SH2D2A: variants seen among roughly 807,000 people sequenced by gnomAD.
The protein encoded by SH2D2A is SH2 domain containing 2A.
A neutral mutation model predicts 43.6 loss-of-function variants in SH2D2A; 33 were observed. The ratio of observed to expected loss-of-function variants is 0.76; its 90% CI spans 0.57 to 1.01. The LOEUF (loss-of-function observed/expected upper bound fraction) is 1.01. Ranked by LOEUF, SH2D2A falls within the 50% of genes least tolerant of loss-of-function variation. The pLI is 0.00. For synonymous variants in SH2D2A, 212 were observed against 206.1 expected, an observed-to-expected ratio of 1.03 and a Z score of -0.25; for missense variants, 491 against 503.1, an observed-to-expected ratio of 0.98 and a Z score of 0.23.
At position 156,814,248 on chromosome 1, in the gene SH2D2A, C is replaced by T; in HGVS notation, c.355G>A (p.Val119Met). 1 of 1,614,028 alleles carries T rather than the reference C, an allele frequency of 6.2e-7. No homozygotes were observed. Among genetic ancestry groups the T allele is most frequent in the African/African-American group, 1.3e-5 (1 of 75,064 alleles). ...GTCACCGCGCTCTCGCTGAACCGCA[C>T]CAAGTAGCACCCCTGAGGCTTGGGC... ...LEPKPQGCYL[V>M]RFSESAVTFV... Residue 119 changes from valine to methionine, a missense_variant, in exon 4 of 9, where the codon GTG becomes ATG. Val to Met is a conservative substitution (Grantham distance 21). Transcript: ENST00000368199.
chr1:156,814,472 AT>A, intron 3 of SH2D2A, 178 bp from the exon 4 acceptor site: 1 of 1,236,530 alleles, frequency 8.1e-7, no homozygotes. Context: ...CGCTGCAGGG[AT>A]TAGGCGTGGA....
In SH2D2A at chr1:156,814,029, G is replaced by A. The variant is rs1247017347; in HGVS notation, c.399-13C>T. 3 of 1,499,526 alleles carry A rather than the reference G, an allele frequency of 2.0e-6. No individual in the cohort carries two copies. Among genetic ancestry groups the A allele is most frequent in the Admixed American group, 2.1e-5 (1 of 48,338 alleles). 92.9% of individuals were successfully genotyped at this position (1,499,526 alleles called of 1,614,324 possible). On this transcript the variant is annotated splice_polypyrimidine_tract_variant and intron_variant, in intron 4 of 8. Transcript: ENST00000368199. ...GCAAGTCCGGCTCCTGGAGGGCGCC[G>A]TTAGGGATCAGACTATCTCCCGCTC...
Position 156,816,028 on chromosome 1 carries a change from C to T in SH2D2A, c.101G>A (p.Cys34Tyr), listed in dbSNP as rs369490353. 1.4e-5 allele frequency: 23 copies of T among 1,613,966 alleles called. 1 individual carries two copies. Among genetic ancestry groups the T allele is most frequent in the Non-Finnish European group, 1.6e-5 (19 of 1,179,928 alleles). The change falls in exon 2 of 9, where the codon TGC becomes TAC. Residue 34 changes from cysteine (C) to tyrosine (Y), a missense_variant. Physicochemically the swap from Cys to Tyr is radical, Grantham distance 194. Transcript: ENST00000368199. ...CACCGCAGTGTAGCCCAGGTTCTGG[C>T]AGCTCCTGCGGGTCATGTCTGTGAT... is the stretch of plus-strand genomic sequence containing the variant. ...FQITDMTRRS[C>Y]QNLGYTAASP...
intron 1 of SH2D2A, 96 bp downstream of exon 1, chr1:156,816,579 T>C (rs958509580): frequency 3.7e-6 from 5 of 1,360,102 alleles, no homozygotes; most frequent in Non-Finnish European, 5.1e-6. Context: ...GTGGGGCCCC[T>C]CATCCCTGAA....
Position 156,816,172 on chromosome 1 carries a change from G to T in SH2D2A, c.35-78C>A, listed in dbSNP as rs572341336. 3.1e-4 allele frequency: 464 copies of T among 1,512,902 alleles called. 1 individual carries two copies. The African/African-American group carries it at 5.6e-3, about 18-fold the overall frequency. 93.7% of individuals were successfully genotyped at this position (1,512,902 alleles called of 1,614,324 possible). The stretch of plus-strand genomic sequence containing the variant: ...CTCTGCCTCCCACCCCTCCTCCCAG[G>T]CTCAGGGGATCTGGAGGGCTGGGAC... On this transcript the variant is annotated intron_variant, in intron 1 of 8. Coordinates refer to ENST00000368199, the MANE Select transcript of SH2D2A (RefSeq NM_003975.4).
chr1:156,814,765 C>G (rs571218122), intron 3 of SH2D2A: 1 of 423,096 alleles, frequency 2.4e-6, no homozygotes, highest in Non-Finnish European at 4.2e-6. Flanking sequence ...TACCAGCATT[C>G]GAGGCCTTAG....
intron 5 of SH2D2A, among the ~76,000 whole-genome samples, chr1:156,810,020 CA>C (rs962015147): frequency 2.6e-5 from 4 of 152,262 alleles, no homozygotes; most frequent in African/African-American, 9.6e-5. Flanking sequence ...GCTCTGGTCA[CA>C]GGCCATATCT....
At chr1:156,814,843 C>A in intron 3 of SH2D2A, 194 bp downstream of exon 3, 1 of 459,942 alleles carries the variant, frequency 2.2e-6, no homozygotes, top group Non-Finnish European at 3.8e-6. Flanking sequence ...TGGAGCCTCT[C>A]CAATGATCTC....
chr1:156,816,038 G>A lies in SH2D2A; in HGVS notation c.91C>T (p.Arg31Cys), dbSNP rs369870153. 47 of 1,613,950 alleles carry A rather than the reference G, an allele frequency of 2.9e-5. No homozygotes were observed. Among genetic ancestry groups the A allele is most frequent in the Non-Finnish European group, 3.1e-5 (36 of 1,179,974 alleles). The change falls in exon 2 of 9, where the codon CGC becomes TGC. Residue 31 changes from arginine (R) to cysteine (C), a missense_variant. Coordinates refer to ENST00000368199, the MANE Select transcript of SH2D2A (RefSeq NM_003975.4). ...FSTFQITDMT[R>C]RSCQNLGYTA... is the part of the protein sequence containing the mutation. Reference sequence around the variant, plus strand: ...TAGCCCAGGTTCTGGCAGCTCCTGCGGGTCATGTCTGTGATCTGGAAGGTG... The same window carrying A: ...TAGCCCAGGTTCTGGCAGCTCCTGCAGGTCATGTCTGTGATCTGGAAGGTG...
At chr1:156,812,895 C>T (rs947696795) in intron 5 of SH2D2A, among the ~76,000 whole-genome samples, 1 of 152,344 alleles carries the variant, frequency 6.6e-6, no homozygotes, top group South Asian at 2.1e-4. Flanking sequence ...TACATTCACT[C>T]CTGTTTTTCC....
chr1:156,815,288 C>T lies in SH2D2A; in HGVS notation c.124-67G>A, dbSNP rs1050250323. The stretch of plus-strand genomic sequence containing the variant: ...GAGTGGGCCTTCTCCTGACTTTGAT[C>T]CACCTGCCACCTTCTTTTCCTCATA... On this transcript the variant is annotated intron_variant, in intron 2 of 8. Coordinates refer to ENST00000368199, the MANE Select transcript of SH2D2A (RefSeq NM_003975.4). The T allele has an allele frequency of 5.8e-6, 7 of 1,204,132 alleles. No individual in the cohort carries two copies. The Admixed American group carries it at 2.3e-4, about 39-fold the overall frequency. The allele number at this position is 1,204,132 out of a possible 1,614,324, so 74.6% of individuals were successfully genotyped here. A position where few individuals can be genotyped will look rare whatever the true frequency, so the allele number is the denominator to read the frequency against.
chr1:156,810,607 G>A (rs922887314), intron 5 of SH2D2A, among the ~76,000 whole-genome samples: 3 of 150,582 alleles, frequency 2.0e-5, no homozygotes, highest in African/African-American at 7.3e-5. Flanking sequence ...TGCAACCTCC[G>A]CCTCCTGGGT....
chr1:156,810,776 C>T (rs1033666605), intron 5 of SH2D2A, among the ~76,000 whole-genome samples: 1 of 152,182 alleles, frequency 6.6e-6, no homozygotes, highest in Non-Finnish European at 1.5e-5. Context: ...CCACTTTGGC[C>T]TCCCAAAGTG....
chr1:156,811,988 C>T (rs1260859406), intron 5 of SH2D2A, among the ~76,000 whole-genome samples: 1 of 152,192 alleles, frequency 6.6e-6, no homozygotes, highest in East Asian at 1.9e-4. Context: ...GCCTACTTGA[C>T]ATCTCCATGC....
chr1:156,810,817 G>C (rs185038768), intron 5 of SH2D2A, among the ~76,000 whole-genome samples: 2 of 152,260 alleles, frequency 1.3e-5, no homozygotes, highest in East Asian at 3.9e-4. Flanking sequence ...CACTGCGCCC[G>C]GCCATAAGCT....
intron 1 of SH2D2A, 173 bp from the exon 2 acceptor site, chr1:156,816,267 G>A (rs1229120211): frequency 8.0e-6 from 5 of 628,766 alleles, no homozygotes; most frequent in Non-Finnish European, 9.9e-6. Context: ...AAGTAGCCAA[G>A]GCGGCATGGG....
At chr1:156,811,853 C>T (rs547268283) in intron 5 of SH2D2A, among the ~76,000 whole-genome samples, 2 of 152,304 alleles carry the variant, frequency 1.3e-5, no homozygotes, top group South Asian at 2.1e-4. Flanking sequence ...TTCCCACCTA[C>T]ACTGACTTCC....
intron 1 of SH2D2A, 128 bp downstream of exon 1, chr1:156,816,547 G>T: frequency 1.2e-6 from 1 of 805,518 alleles, no homozygotes; most frequent in Non-Finnish European, 2.0e-6. Context: ...CTGCCAATCA[G>T]CTTTGCCAGC....
chr1:156,816,087 G>C lies in SH2D2A; in HGVS notation c.42C>G (p.His14Gln). The C allele has an allele frequency of 6.2e-7, 1 of 1,612,850 alleles. No homozygotes were observed. The highest frequency in any genetic ancestry group is 8.5e-7 in the Non-Finnish European group (1 of 1,179,380). The change falls in exon 2 of 9, where the codon CAC becomes CAG. Residue 14 changes from histidine (H) to glutamine (Q), a missense_variant. Physicochemically the swap from His to Gln is conservative, Grantham distance 24 (BLOSUM62 0). Coordinates refer to ENST00000368199, the MANE Select transcript of SH2D2A (RefSeq NM_003975.4). ...PLAQICPQGSHEAPIPTFSTF... is the reference protein window; with the variant it reads ...PLAQICPQGSQEAPIPTFSTF... ...TGCTGAAGGTTGGGATGGGGGCTTC[G>C]TGACTCCCTGTGAGCACAAAGAGGG...
Sources: gnomAD v4.1 joint callset for allele counts (sites outside exome capture counted in the v4.1 genomes callset) on GRCh38, gnomAD v4.1.1 for gene constraint, MANE v1.5 for transcripts, NCBI Gene and HGNC (gene_info 2026-07-23, HGNC 2026-07-21) for gene names.